The following GRIK2 variants were observed in gnomAD, a reference collection of about 807,000 sequenced individuals.
GRIK2 encodes the protein glutamate receptor ionotropic, kainate 2.
In GRIK2, 32 loss-of-function variants were observed where a neutral mutation model predicts 100.3. The observed-to-expected ratio is 0.32, with a 90% CI of 0.24 to 0.43. The LOEUF (loss-of-function observed/expected upper bound fraction) is 0.43, where lower values mean the gene tolerates loss of function less well. Ranked by LOEUF, GRIK2 falls within the 20% of genes least tolerant of loss-of-function variation. The pLI is 1.00. For synonymous variants in GRIK2, 417 were observed against 389.4 expected, an observed-to-expected ratio of 1.07 and a Z score of -0.83; for missense variants, 843 against 1,114.9, an observed-to-expected ratio of 0.76 and a Z score of 3.47.
intron 14 of GRIK2, among the ~76,000 whole-genome samples, chr6:101,982,402 C>A (rs146244059): frequency 1.6e-4 from 24 of 151,854 alleles, no homozygotes; most frequent in Admixed American, 2.6e-4. Context: ...CTCTATCATG[C>A]AGATATGGTA....
intron 2 of GRIK2, among the ~76,000 whole-genome samples, chr6:101,573,077 C>T (rs1017053960): frequency 2.6e-5 from 4 of 151,880 alleles, no homozygotes; most frequent in Admixed American, 2.6e-4. Context: ...AACTCCTGAC[C>T]TCAAGTGATC....
intron 4 of GRIK2, among the ~76,000 whole-genome samples, chr6:101,674,547 T>C (rs1037031196): frequency 6.6e-6 from 1 of 152,204 alleles, no homozygotes; most frequent in African/African-American, 2.4e-5. Flanking sequence ...CATTAAACTC[T>C]AGCAGGTATT....
chr6:102,039,368 G>A (rs1770449221), intron 15 of GRIK2, among the ~76,000 whole-genome samples: 1 of 151,474 alleles, frequency 6.6e-6, no homozygotes, highest in Non-Finnish European at 1.5e-5. Context: ...TTTTAATGTG[G>A]CATTTACTGT....
At chr6:101,844,754 C>G (rs1298848342) in intron 10 of GRIK2, among the ~76,000 whole-genome samples, 1 of 151,842 alleles carries the variant, frequency 6.6e-6, no homozygotes, top group African/African-American at 2.4e-5. Context: ...TCATTTTTTT[C>G]TTTTTGGTAC....
intron 11 of GRIK2, among the ~76,000 whole-genome samples, chr6:101,862,585 T>TTTATTA (rs111239921): frequency 4.6e-4 from 69 of 150,578 alleles, no homozygotes; most frequent in African/African-American, 9.3e-4. Context: ...TAGCTAATTA[T>TTTATTA]TTATTATTAT....
At chr6:101,738,902 A>G (rs918662526) in intron 7 of GRIK2, among the ~76,000 whole-genome samples, 1 of 152,236 alleles carries the variant, frequency 6.6e-6, no homozygotes, top group African/African-American at 2.4e-5. Flanking sequence ...AGTGCTGTGA[A>G]GTAAAATAGA....
intron 4 of GRIK2, among the ~76,000 whole-genome samples, chr6:101,672,405 C>T (rs1770506734): frequency 6.6e-6 from 1 of 152,132 alleles, no homozygotes; most frequent in Non-Finnish European, 1.5e-5. Context: ...ACTTCCCAGA[C>T]TCTGATCTCT....
intron 10 of GRIK2, among the ~76,000 whole-genome samples, chr6:101,853,773 A>G (rs1349726035): frequency 6.6e-6 from 1 of 152,188 alleles, no homozygotes; most frequent in Admixed American, 6.5e-5. Flanking sequence ...GAAATGAGCT[A>G]TCAAGCCATG....
At chr6:101,853,745 A>C (rs2128441013) in intron 10 of GRIK2, among the ~76,000 whole-genome samples, 1 of 152,316 alleles carries the variant, frequency 6.6e-6, no homozygotes, top group Non-Finnish European at 1.5e-5. Flanking sequence ...ACTATGTAAT[A>C]TTATTCAGCA....
At chr6:101,691,593 C>A (rs890735484) in intron 7 of GRIK2, among the ~76,000 whole-genome samples, 34 of 152,042 alleles carry the variant, frequency 2.2e-4, no homozygotes, top group African/African-American at 8.0e-4. Flanking sequence ...TGAGCCACTG[C>A]GCTCGGCCAT....
chr6:101,879,339 G>A (rs1786084982), intron 11 of GRIK2, among the ~76,000 whole-genome samples: 1 of 151,880 alleles, frequency 6.6e-6, no homozygotes, highest in African/African-American at 2.4e-5. Flanking sequence ...GCTTCTTTGA[G>A]GCTCATTTCT....
chr6:101,754,287 A>C (rs1025109161), intron 7 of GRIK2, among the ~76,000 whole-genome samples: 3 of 152,222 alleles, frequency 2.0e-5, no homozygotes, highest in African/African-American at 7.2e-5. Context: ...AATTTGTATC[A>C]AAGTAAATCT....
rs113139607 is a variant in GRIK2, at chr6:101,802,674, A to G, written c.1203+236A>G. Among the ~76,000 whole-genome samples, 1,136 of 151,974 alleles carry G rather than the reference A, an allele frequency of 7.5e-3. 7 individuals are homozygous for G. Among genetic ancestry groups the G allele is most frequent in the Non-Finnish European group, 9.7e-3 (660 of 67,836 alleles). ...AACTAGAGATTTTTCTGATGCATAT[A>G]ATGTTTGAAGTGCATATAATGTTAA... On this transcript the variant is annotated intron_variant, in intron 9 of 16. Transcript: ENST00000369134.
At chr6:101,907,486 T>G (rs983667390) in intron 12 of GRIK2, among the ~76,000 whole-genome samples, 2 of 151,702 alleles carry the variant, frequency 1.3e-5, no homozygotes, top group Non-Finnish European at 1.5e-5. Context: ...AGAATCCATA[T>G]TTAATCATAG....
At chr6:101,398,010 C>CT in intron 1 of GRIK2, among the ~76,000 whole-genome samples, 1 of 151,982 alleles carries the variant, frequency 6.6e-6, no homozygotes, top group East Asian at 1.9e-4. Flanking sequence ...TATTTCTGTA[C>CT]TTTATTTCTT....
intron 2 of GRIK2, among the ~76,000 whole-genome samples, chr6:101,545,665 C>A (rs1468352521): frequency 6.6e-6 from 1 of 152,018 alleles, no homozygotes; most frequent in African/African-American, 2.4e-5. Context: ...AACATATATA[C>A]TATTATTTCA....
chr6:101,728,530 G>C (rs1775029819), intron 7 of GRIK2, among the ~76,000 whole-genome samples: 1 of 152,008 alleles, frequency 6.6e-6, no homozygotes, highest in Non-Finnish European at 1.5e-5. Flanking sequence ...TAATAGAGTG[G>C]TTGAAAGCAT....
At chr6:101,964,040 T>C (rs1049466367) in intron 14 of GRIK2, among the ~76,000 whole-genome samples, 4 of 147,004 alleles carry the variant, frequency 2.7e-5, no homozygotes, top group Non-Finnish European at 5.9e-5. Flanking sequence ...TGCTTGCTAT[T>C]GTTACTGAGA....
intron 14 of GRIK2, among the ~76,000 whole-genome samples, chr6:101,977,605 C>T (rs1793469562): frequency 6.6e-6 from 1 of 151,970 alleles, no homozygotes; most frequent in Non-Finnish European, 1.5e-5. Context: ...TAGTCATTGG[C>T]TGTGAGCAGA....
Sources: gnomAD v4.1 joint callset for allele counts (sites outside exome capture counted in the v4.1 genomes callset) on GRCh38, gnomAD v4.1.1 for gene constraint, MANE v1.5 for transcripts, NCBI Gene and HGNC (gene_info 2026-07-23, HGNC 2026-07-21) for gene names.